TTLL11: variants seen among roughly 807,000 people sequenced by gnomAD.
TTLL11 encodes tubulin polyglutamylase TTLL11.
A neutral mutation model predicts 51.7 loss-of-function variants in TTLL11; 42 were observed. That is an observed-to-expected ratio of 0.81 (90% CI 0.64 to 1.05). The LOEUF is 1.05. Among genes scored for constraint, TTLL11 ranks in the 50% least tolerant of loss-of-function variants. The pLI is 0.00. For missense variants in TTLL11, 799 were observed against 940.4 expected (o/e 0.85, Z 1.97); for synonymous variants, 381 against 383.5 (o/e 0.99, Z 0.08).
At chr9:122,054,095 G>A (rs989242519) in intron 1 of TTLL11, among the ~76,000 whole-genome samples, 8 of 149,966 alleles carry the variant, frequency 5.3e-5, no homozygotes, top group African/African-American at 1.7e-4. Context: ...CCGGGTAAGC[G>A]TGCCATTCAT....
At chr9:122,003,716 A>G (rs1275706205) in intron 3 of TTLL11, among the ~76,000 whole-genome samples, 1 of 149,474 alleles carries the variant, frequency 6.7e-6, no homozygotes, top group South Asian at 2.1e-4. Context: ...CGAACTCCTG[A>G]CCTCGTGATC....
chr9:121,943,709 T>C (rs1277666048), intron 6 of TTLL11, among the ~76,000 whole-genome samples: 2 of 152,188 alleles, frequency 1.3e-5, no homozygotes, highest in Non-Finnish European at 2.9e-5. Context: ...GTCTCACTGT[T>C]CCCATCACTG....
At chr9:121,897,640 A>ACACACACACACACACACACGCGCG (rs111331446) in intron 6 of TTLL11, among the ~76,000 whole-genome samples, 5 of 139,292 alleles carry the variant, frequency 3.6e-5, no homozygotes, top group Admixed American at 7.1e-5. Flanking sequence ...ACACACACAC[A>ACACACACACACACACACACGCGCG]CGCGCGCGCG....
intron 6 of TTLL11, among the ~76,000 whole-genome samples, chr9:121,887,603 C>T (rs1429714454): frequency 1.3e-5 from 2 of 152,210 alleles, no homozygotes; most frequent in African/African-American, 2.4e-5. Context: ...AGCACTAGCT[C>T]GGTGTCCCGT....
intron 3 of TTLL11, among the ~76,000 whole-genome samples, chr9:122,006,998 A>AAC (rs1554781307): frequency 3.1e-5 from 4 of 129,872 alleles, no homozygotes; most frequent in African/African-American, 1.5e-4. Context: ...AAAAAAAAAA[A>AAC]AAAAAAAAAA....
chr9:121,982,090 T>C (rs1295197475), intron 4 of TTLL11, among the ~76,000 whole-genome samples: 2 of 152,152 alleles, frequency 1.3e-5, no homozygotes, highest in East Asian at 3.8e-4. Context: ...ACCTTAGCCT[T>C]CCCAAACTTC....
intron 3 of TTLL11, among the ~76,000 whole-genome samples, chr9:122,023,988 C>T (rs999165311): frequency 6.6e-6 from 1 of 151,994 alleles, no homozygotes; most frequent in African/African-American, 2.4e-5. Context: ...AAATAAACGG[C>T]TAATTACAAA....
intron 6 of TTLL11, among the ~76,000 whole-genome samples, chr9:121,933,968 G>A (rs186330050): frequency 1.2e-4 from 19 of 152,248 alleles, no homozygotes; most frequent in African/African-American, 4.1e-4. Flanking sequence ...TGTGGCTCAC[G>A]CCTGTAATCC....
chr9:121,931,451 A>G (rs557220562), intron 6 of TTLL11, among the ~76,000 whole-genome samples: 1 of 152,264 alleles, frequency 6.6e-6, no homozygotes, highest in African/African-American at 2.4e-5. Flanking sequence ...ACTATAAGAA[A>G]TATTCAAAAG....
At chr9:121,945,994 C>A (rs748907547) in intron 6 of TTLL11, among the ~76,000 whole-genome samples, 1 of 152,138 alleles carries the variant, frequency 6.6e-6, no homozygotes, top group East Asian at 1.9e-4. Flanking sequence ...TGTGCCAGGC[C>A]CCATGCCAAA....
chr9:121,988,372 T>C (rs1842990868), intron 4 of TTLL11, among the ~76,000 whole-genome samples: 1 of 148,452 alleles, frequency 6.7e-6, no homozygotes, highest in African/African-American at 2.5e-5. Context: ...CCCGAACCAA[T>C]ACCCAGGCTC....
At chr9:122,009,075 T>C (rs1371802158) in intron 3 of TTLL11, among the ~76,000 whole-genome samples, 1 of 152,170 alleles carries the variant, frequency 6.6e-6, no homozygotes, top group Non-Finnish European at 1.5e-5. Flanking sequence ...AAAATTTCAG[T>C]TAGATTAGAG....
chr9:121,995,871 G>A lies in TTLL11; in HGVS notation c.694-6101C>T, dbSNP rs901858080. 1.3e-5 allele frequency among the ~76,000 whole-genome samples: 2 copies of A among 152,170 alleles called. No individual in the cohort carries two copies. The highest frequency in any genetic ancestry group is 2.9e-5 in the Non-Finnish European group (2 of 68,032). Reference sequence around the variant, plus strand: ...TCTAAACTCAGATGGCGCATACCTCGAACTGGAGCACAGGTATCCGAACAG... The same window carrying A: ...TCTAAACTCAGATGGCGCATACCTCAAACTGGAGCACAGGTATCCGAACAG... On this transcript the variant is annotated intron_variant, in intron 3 of 8. Coordinates refer to ENST00000321582, the MANE Select transcript of TTLL11 (RefSeq NM_001139442.2). The surrounding 1 kb of genome is among the most constrained non-coding windows in gnomAD (Gnocchi z 4.4).
In TTLL11 at chr9:121,989,829, C is replaced by T. The variant is rs1843060721; in HGVS notation, c.694-59G>A. 34 of 1,530,346 alleles carry T rather than the reference C, an allele frequency of 2.2e-5. No individual in the cohort carries two copies. In the South Asian group the frequency reaches 4.3e-4, roughly 19 times the overall value. 94.8% of individuals were successfully genotyped at this position (1,530,346 alleles called of 1,614,324 possible). ...TTGTTTTCCCTCTGGATCCCTAACACAGAGCAAGGCCTTAGCAAATGTGTG... is the reference window on the plus strand; with the variant it reads ...TTGTTTTCCCTCTGGATCCCTAACATAGAGCAAGGCCTTAGCAAATGTGTG... On this transcript the variant is annotated intron_variant, in intron 3 of 8. Coordinates refer to ENST00000321582, the MANE Select transcript of TTLL11 (RefSeq NM_001139442.2). The surrounding 1 kb of genome is among the most constrained non-coding windows in gnomAD (Gnocchi z 4.2).
chr9:122,064,980 T>C lies in TTLL11; in HGVS notation c.463-25612A>G, dbSNP rs368136894. Among the ~76,000 whole-genome samples, 18 of 152,302 alleles carry C rather than the reference T, an allele frequency of 1.2e-4. 1 individual carries two copies. The South Asian group carries it at 3.7e-3, about 32-fold the overall frequency. On this transcript the variant is annotated intron_variant, in intron 1 of 8. Transcript: ENST00000321582. ...CACTGTAAGATAATGTGAGCCTTGG[T>C]GCTTCAATTCTAAAGAGGATGGTCC... is the stretch of plus-strand genomic sequence containing the variant.
At chr9:121,926,718 G>C (rs535070286) in intron 6 of TTLL11, among the ~76,000 whole-genome samples, 1 of 152,316 alleles carries the variant, frequency 6.6e-6, no homozygotes, top group Non-Finnish European at 1.5e-5. Flanking sequence ...GCTGGAGCAG[G>C]AACTTTGGCA....
intron 1 of TTLL11, among the ~76,000 whole-genome samples, chr9:122,045,803 A>G (rs1474710053): frequency 6.6e-6 from 1 of 152,214 alleles, no homozygotes; most frequent in Non-Finnish European, 1.5e-5. Context: ...ACAAAAAGAC[A>G]AATATCGTAT....
At chr9:121,999,815 C>G (rs1290738388) in intron 3 of TTLL11, among the ~76,000 whole-genome samples, 1 of 152,204 alleles carries the variant, frequency 6.6e-6, no homozygotes, top group African/African-American at 2.4e-5. Context: ...CCATCACAGG[C>G]AAGGAAACTG....
chr9:121,848,812 ATTGTTC>A (rs1837588045), intron 8 of TTLL11, among the ~76,000 whole-genome samples: 1 of 152,224 alleles, frequency 6.6e-6, no homozygotes, highest in African/African-American at 2.4e-5. Flanking sequence ...GAAGATCATT[ATTGTTC>A]TTTCTGACTT....
Sources: gnomAD v4.1 joint callset for allele counts (sites outside exome capture counted in the v4.1 genomes callset) on GRCh38, gnomAD v4.1.1 for gene constraint, Gnocchi (gnomAD v3.1) non-coding constraint, MANE v1.5 for transcripts, NCBI Gene and HGNC (gene_info 2026-07-23, HGNC 2026-07-21) for gene names.